The following POR variants were observed in gnomAD, a reference collection of about 807,000 sequenced individuals.
POR encodes NADPH--cytochrome P450 reductase.
A neutral mutation model predicts 84.0 loss-of-function variants in POR; 56 were observed. The ratio of observed to expected loss-of-function variants is 0.67; its 90% CI spans 0.54 to 0.83. POR has a LOEUF of 0.83. Ranked by LOEUF, POR falls within the 40% of genes least tolerant of loss-of-function variation. POR has a pLI of 0.00. For synonymous variants in POR, 414 were observed against 400.5 expected, an observed-to-expected ratio of 1.03 and a Z score of -0.40; for missense variants, 938 against 944.3, an observed-to-expected ratio of 0.99 and a Z score of 0.09.
chr7:75,925,256 C>T (rs917218223), intron 1 of POR, among the ~76,000 whole-genome samples: 34 of 152,174 alleles, frequency 2.2e-4, no homozygotes, highest in Admixed American at 4.6e-4. Context: ...GTCTGTAGTC[C>T]CAGCACTCTG....
intron 1 of POR, 200 bp downstream of exon 1, chr7:75,915,379 C>G (rs1806502836): frequency 1.3e-5 from 2 of 152,340 alleles, no homozygotes; most frequent in African/African-American, 4.8e-5. Context: ...CGTCGCCCTT[C>G]CCCTAGAGCT....
In POR at chr7:75,954,191, CCT is replaced by C. The variant is rs782666924; in HGVS notation, c.188+15_188+16del. On this transcript the variant is annotated intron_variant, in intron 2 of 15. Transcript: ENST00000461988. ...CAAAATTCAGACATTGTAAGTGCCG[CCT>C]CTCAGCCTCCTCTCTCTGTCCCTCT... is the stretch of plus-strand genomic sequence containing the variant. 13 of 1,596,700 alleles carry C rather than the reference CCT, an allele frequency of 8.1e-6. No homozygotes were observed. In the South Asian group the frequency reaches 1.4e-4, roughly 17 times the overall value.
Position 75,981,158 on chromosome 7 carries a change from C to T in POR, c.627C>T (p.Gly209=), listed in dbSNP as rs782479062. Residue 209 remains glycine, a synonymous_variant, in exon 6 of 16, where the codon GGC becomes GGT. Coordinates refer to ENST00000461988, the MANE Select transcript of POR (RefSeq NM_000941.3). The stretch of plus-strand genomic sequence containing the variant: ...AGCGCATCTTTGAGCTGGGGTTGGG[C>T]GACGACGATGGGAAGTGAGTGCCCA... The T allele has an allele frequency of 2.8e-5, 43 of 1,545,806 alleles. No homozygotes were observed. The highest frequency in any genetic ancestry group is 3.8e-5 in the Non-Finnish European group (43 of 1,144,954).
chr7:75,953,368 A>G, intron 1 of POR, among the ~76,000 whole-genome samples: 1 of 151,772 alleles, frequency 6.6e-6, no homozygotes, highest in African/African-American at 2.4e-5. Context: ...AAAAAAAAAA[A>G]AAAAGACTCC....
At chr7:75,928,421 C>A (rs1807255656) in intron 1 of POR, among the ~76,000 whole-genome samples, 1 of 152,242 alleles carries the variant, frequency 6.6e-6, no homozygotes, top group Non-Finnish European at 1.5e-5. Context: ...GGCTCCCACA[C>A]ATTTCTAAGC....
intron 2 of POR, among the ~76,000 whole-genome samples, chr7:75,972,210 G>C (rs1307895866): frequency 6.6e-6 from 1 of 152,146 alleles, no homozygotes; most frequent in African/African-American, 2.4e-5. Flanking sequence ...AGCTGGTGCG[G>C]GAGGCCTGGG....
rs1554559055 is a variant in POR, at chr7:75,985,598, A to G, written c.1418A>G (p.His473Arg). 10 of 1,566,374 alleles carry G rather than the reference A, an allele frequency of 6.4e-6. No homozygotes were observed. The highest frequency in any genetic ancestry group is 8.7e-6 in the Non-Finnish European group (10 of 1,152,782). Reference sequence around the variant, plus strand: ...CCACAGGTCCACCCCAACTCTGTGCACATCTGTGCGGTGGTTGTGGAGTAC... The same window carrying G: ...CCACAGGTCCACCCCAACTCTGTGCGCATCTGTGCGGTGGTTGTGGAGTAC... The change falls in exon 13 of 16, where the codon CAC becomes CGC. Residue 473 changes from histidine to arginine, a missense_variant. Coordinates refer to ENST00000461988, the MANE Select transcript of POR (RefSeq NM_000941.3).
chr7:75,925,702 T>C (rs1471027358), intron 1 of POR, among the ~76,000 whole-genome samples: 1 of 152,168 alleles, frequency 6.6e-6, no homozygotes, highest in Admixed American at 6.5e-5. Flanking sequence ...AGATGAAAGA[T>C]GATGTTGGCC....
chr7:75,959,039 A>T (rs1044417328), intron 2 of POR, among the ~76,000 whole-genome samples: 1 of 152,178 alleles, frequency 6.6e-6, no homozygotes, highest in Non-Finnish European at 1.5e-5. Context: ...TTCAGATTTC[A>T]GATTTTAGAT....
chr7:75,944,015 GGGAGTGACATTAGAGGAGGC>G (rs577237116), intron 1 of POR: 43 of 376,844 alleles, frequency 1.1e-4, no homozygotes, highest in Admixed American at 8.3e-4. Flanking sequence ...TGCTCTCCTT[GGGAGTGACATTAGAGGAGGC>G]CCAGTGTGAG....
intron 1 of POR, 142 bp from the exon 2 acceptor site, chr7:75,953,843 CTGAG>C: frequency 3.2e-6 from 2 of 627,036 alleles, no homozygotes; most frequent in South Asian, 4.4e-5. Context: ...AGGAACCTGG[CTGAG>C]TGAGCCCCTT....
Position 75,983,957 on chromosome 7 carries a change from G to C in POR, c.1066+101G>C, listed in dbSNP as rs41301400. The C allele has an allele frequency of 6.8e-3, 6,263 of 927,202 alleles. 161 individuals are homozygous for C. The East Asian group carries it at 0.084, about 12-fold the overall frequency. 57.4% of individuals were successfully genotyped at this position (927,202 alleles called of 1,614,324 possible). On this transcript the variant is annotated intron_variant, in intron 10 of 15. Transcript: ENST00000461988. ...AGCTTCTGCTTAGGCCTGAAGCCCC[G>C]GTGCCTGGGAGGCCCTTGCACCGAG...
At chr7:75,966,087 C>T (rs1236822064) in intron 2 of POR, among the ~76,000 whole-genome samples, 1 of 152,152 alleles carries the variant, frequency 6.6e-6, no homozygotes, top group African/African-American at 2.4e-5. Context: ...GATAGAAACC[C>T]TTGCGCACTG....
chr7:75,966,960 G>A (rs1788210621), intron 2 of POR, among the ~76,000 whole-genome samples: 1 of 152,102 alleles, frequency 6.6e-6, no homozygotes, highest in African/African-American at 2.4e-5. Flanking sequence ...TGGAGCCTTG[G>A]GCTTTCTGGT....
At chr7:75,925,996 G>A (rs1182736631) in intron 1 of POR, among the ~76,000 whole-genome samples, 1 of 150,758 alleles carries the variant, frequency 6.6e-6, no homozygotes, top group Non-Finnish European at 1.5e-5. Flanking sequence ...CCCACGTACA[G>A]TGTCCTGCTT....
rs41299532 is a variant in POR, at chr7:75,983,340, CAAA to C, written c.831-170_831-168del. 5.0e-4 allele frequency: 203 copies of C among 403,474 alleles called. 1 individual carries two copies. The highest frequency in any genetic ancestry group is 8.0e-4 in the South Asian group (21 of 26,146). 25.0% of individuals were successfully genotyped at this position (403,474 alleles called of 1,614,324 possible). A position where few individuals can be genotyped will look rare whatever the true frequency, so the allele number is the denominator to read the frequency against. On this transcript the variant is annotated intron_variant, in intron 8 of 15. Coordinates refer to ENST00000461988, the MANE Select transcript of POR (RefSeq NM_000941.3). ...TGGGTGGCAGAGCGAAACTCTGTCTCAAAAAAAAAAAAGAGAACTGCATTGGAC... is the reference window on the plus strand; with the variant it reads ...TGGGTGGCAGAGCGAAACTCTGTCTCAAAAAAAAAGAGAACTGCATTGGAC...
chr7:75,923,716 C>T (rs573515083), intron 1 of POR, among the ~76,000 whole-genome samples: 5 of 152,046 alleles, frequency 3.3e-5, no homozygotes, highest in East Asian at 3.9e-4. Context: ...GGAGAAACCC[C>T]GTCTCTACTA....
At chr7:75,979,648 G>A (rs1459084723) in intron 4 of POR, 69 bp downstream of exon 4, 74 of 1,578,500 alleles carry the variant, frequency 4.7e-5, no homozygotes, top group Middle Eastern at 1.7e-4. Context: ...TCTGTAGGGC[G>A]CCCCTCAGCA....
intron 2 of POR, among the ~76,000 whole-genome samples, chr7:75,967,643 C>A (rs1465487564): frequency 7.5e-6 from 1 of 132,758 alleles, no homozygotes; most frequent in African/African-American, 2.9e-5. Context: ...GACATGACTT[C>A]CTTTTTTTTT....
Sources: allele counts gnomAD v4.1 joint callset (sites outside exome capture counted in the v4.1 genomes callset), GRCh38; gene constraint gnomAD v4.1.1; transcripts MANE v1.5; gene names NCBI Gene and HGNC (gene_info 2026-07-23, HGNC 2026-07-21).